DSCAM: variants seen among roughly 807,000 people sequenced by gnomAD.
The protein encoded by DSCAM is cell adhesion molecule DSCAM.
In DSCAM, 47 loss-of-function variants were observed where a neutral mutation model predicts 217.7. The observed-to-expected ratio is 0.22, with a 90% CI of 0.17 to 0.28. The LOEUF (loss-of-function observed/expected upper bound fraction) is 0.28, where lower values mean the gene tolerates loss of function less well. Ranked by LOEUF, DSCAM falls within the 10% of genes least tolerant of loss-of-function variation. The pLI is 1.00. For synonymous variants in DSCAM, 1,056 were observed against 1,015.3 expected, an observed-to-expected ratio of 1.04 and a Z score of -0.76; for missense variants, 2,080 against 2,618.3, an observed-to-expected ratio of 0.79 and a Z score of 4.49.
chr21:40,558,517 C>A (rs998728), intron 3 of DSCAM, among the ~76,000 whole-genome samples: 88,005 of 151,480 alleles, frequency 0.58, 25,766 homozygotes, highest in East Asian at 0.67. Context: ...CTAGTAAGTC[C>A]ATCTATAGAA....
At chr21:40,766,682 AAAAAAAC>A (rs1339822627) in intron 1 of DSCAM, among the ~76,000 whole-genome samples, 13 of 124,178 alleles carry the variant, frequency 1.0e-4, no homozygotes, top group African/African-American at 3.5e-4. Flanking sequence ...AAAAAAAAAA[AAAAAAAC>A]AACTTTTTTT....
intron 3 of DSCAM, among the ~76,000 whole-genome samples, chr21:40,687,776 G>GCCTA (rs935851850): frequency 7.9e-5 from 12 of 152,206 alleles, no homozygotes; most frequent in Admixed American, 2.6e-4. Flanking sequence ...GGCCCTAAGC[G>GCCTA]CCTACTGCAG....
chr21:40,231,143 A>G (rs1416962168), intron 11 of DSCAM, among the ~76,000 whole-genome samples: 2 of 129,916 alleles, frequency 1.5e-5, no homozygotes, highest in Non-Finnish European at 3.3e-5. Context: ...TTTTTTTTTT[A>G]AATTTTCCGT....
intron 15 of DSCAM, among the ~76,000 whole-genome samples, chr21:40,177,220 A>G (rs998018169): frequency 1.3e-5 from 2 of 152,356 alleles, no homozygotes; most frequent in Non-Finnish European, 2.9e-5. Flanking sequence ...TTTTTGCAGA[A>G]GCAGATTAAC....
intron 1 of DSCAM, among the ~76,000 whole-genome samples, chr21:40,747,995 G>GA (rs1225687719): frequency 2.6e-5 from 4 of 151,818 alleles, no homozygotes; most frequent in African/African-American, 9.7e-5. Flanking sequence ...AATAGATGCT[G>GA]AAAAAAATTT....
At chr21:40,785,409 C>A (rs1353065734) in intron 1 of DSCAM, among the ~76,000 whole-genome samples, 1 of 152,216 alleles carries the variant, frequency 6.6e-6, no homozygotes, top group Non-Finnish European at 1.5e-5. Context: ...GTGGTCCCAC[C>A]ATGGAAAAGG....
At chr21:40,454,559 A>C (rs1031989849) in intron 3 of DSCAM, among the ~76,000 whole-genome samples, 13 of 152,214 alleles carry the variant, frequency 8.5e-5, no homozygotes, top group Non-Finnish European at 1.9e-4. Flanking sequence ...AAGGATGGGC[A>C]AAGAGTTCAC....
chr21:40,397,361 T>G (rs1307840266), intron 3 of DSCAM, among the ~76,000 whole-genome samples: 1 of 151,946 alleles, frequency 6.6e-6, no homozygotes, highest in African/African-American at 2.4e-5. Flanking sequence ...CACGAGATCT[T>G]GTCATTTAAA....
chr21:40,247,277 G>A (rs935734741), intron 11 of DSCAM, among the ~76,000 whole-genome samples: 1 of 152,040 alleles, frequency 6.6e-6, no homozygotes, highest in Admixed American at 6.5e-5. Flanking sequence ...AAACAATCAT[G>A]CCTTCCCAAC....
chr21:40,829,614 G>C (rs1338290241), intron 1 of DSCAM, among the ~76,000 whole-genome samples: 1 of 152,196 alleles, frequency 6.6e-6, no homozygotes, highest in Non-Finnish European at 1.5e-5. Context: ...GTTGGCGTTG[G>C]AGTCAGCTGT....
In DSCAM at chr21:40,235,380, G is replaced by A. The variant is rs529860895; in HGVS notation, c.2356+40717C>T. On this transcript the variant is annotated intron_variant, in intron 11 of 32. Coordinates refer to ENST00000400454, the MANE Select transcript of DSCAM (RefSeq NM_001389.5). ...GAAGCTGTCAGGTTTTCAAAATATG[G>A]AGGCATTTATTTTCTTTCGCTGTAT... is the stretch of plus-strand genomic sequence containing the variant. 3.9e-5 allele frequency among the ~76,000 whole-genome samples: 6 copies of A among 152,266 alleles called. No homozygotes were observed. In the South Asian group the frequency reaches 1.2e-3, roughly 32 times the overall value.
intron 1 of DSCAM, among the ~76,000 whole-genome samples, chr21:40,754,075 T>G (rs2091252921): frequency 6.6e-6 from 1 of 152,214 alleles, no homozygotes; most frequent in Non-Finnish European, 1.5e-5. Context: ...CCGTGAGGTC[T>G]TCTTGCCATC....
intron 19 of DSCAM, among the ~76,000 whole-genome samples, chr21:40,131,961 T>C (rs1467686680): frequency 1.3e-5 from 2 of 152,178 alleles, no homozygotes; most frequent in Admixed American, 1.3e-4. Context: ...TAAAAATTGA[T>C]CTAAAATTGT....
At chr21:40,161,998 A>G (rs186862949) in intron 16 of DSCAM, among the ~76,000 whole-genome samples, 1 of 152,350 alleles carries the variant, frequency 6.6e-6, no homozygotes, top group Non-Finnish European at 1.5e-5. Flanking sequence ...TAAATTTCAT[A>G]TATCTTTAAT....
At chr21:40,643,561 G>C (rs1474237255) in intron 3 of DSCAM, among the ~76,000 whole-genome samples, 2 of 152,162 alleles carry the variant, frequency 1.3e-5, no homozygotes, top group African/African-American at 4.8e-5. Context: ...AACTAATTTG[G>C]GATGCCGGCC....
At chr21:40,335,030 C>A (rs1389196816) in intron 8 of DSCAM, among the ~76,000 whole-genome samples, 1 of 152,084 alleles carries the variant, frequency 6.6e-6, no homozygotes, top group East Asian at 1.9e-4. Context: ...CTCTGTTATT[C>A]CTCAAGCTTG....
rs949929019 is a variant in DSCAM, at chr21:40,605,912, T to C, written c.508+86898A>G. Among the ~76,000 whole-genome samples the C allele has an allele frequency of 3.3e-5, 5 of 150,196 alleles. No homozygotes were observed. In the Admixed American group the frequency reaches 3.4e-4, roughly 10 times the overall value. ...ACCTCCCAGGTTCAAGCTATTCTTC[T>C]GCCTCAGCCTCCCGAGTAGCTGGGA... On this transcript the variant is annotated intron_variant, in intron 3 of 32. Transcript: ENST00000400454.
chr21:40,385,664 G>A (rs922591506), intron 3 of DSCAM, among the ~76,000 whole-genome samples: 1 of 152,182 alleles, frequency 6.6e-6, no homozygotes, highest in Non-Finnish European at 1.5e-5. Context: ...GGCTGTTAAT[G>A]TGGCTGAGGG....
At chr21:40,505,312 A>AAG in intron 3 of DSCAM, among the ~76,000 whole-genome samples, 1 of 152,360 alleles carries the variant, frequency 6.6e-6, no homozygotes, top group East Asian at 1.9e-4. Context: ...AAAGGAAAAC[A>AAG]GGATAGAGTT....
Sources: allele counts gnomAD v4.1 joint callset (sites outside exome capture counted in the v4.1 genomes callset), GRCh38; gene constraint gnomAD v4.1.1; transcripts MANE v1.5; gene names NCBI Gene and HGNC (gene_info 2026-07-23, HGNC 2026-07-21).